PIK3CB: variants seen among roughly 807,000 people sequenced by gnomAD.
The protein encoded by PIK3CB is phosphatidylinositol-4,5-bisphosphate 3-kinase catalytic subunit beta.
A neutral mutation model predicts 136.8 loss-of-function variants in PIK3CB; 39 were observed. The observed-to-expected ratio is 0.29, with a 90% CI of 0.22 to 0.37. The LOEUF (loss-of-function observed/expected upper bound fraction) is 0.37. Among genes scored for constraint, PIK3CB ranks in the 10% least tolerant of loss-of-function variants. The pLI, the probability that PIK3CB is intolerant of heterozygous loss-of-function variation, is 1.00. For missense variants in PIK3CB, 868 were observed against 1,275.4 expected, an observed-to-expected ratio of 0.68 and a Z score of 4.87; for synonymous variants, 428 against 436.6, an observed-to-expected ratio of 0.98 and a Z score of 0.25.
intron 14 of PIK3CB, 38 bp downstream of exon 14, chr3:138,694,748 T>C: frequency 6.2e-7 from 1 of 1,605,080 alleles, no homozygotes; most frequent in South Asian, 1.1e-5. Context: ...CCACCCAAGT[T>C]ATTCCTTGCC....
chr3:138,744,237 C>T (rs1050938645), intron 4 of PIK3CB, among the ~76,000 whole-genome samples: 5 of 150,778 alleles, frequency 3.3e-5, no homozygotes, highest in African/African-American at 1.2e-4. Context: ...ACTAAAAATA[C>T]AAAAAACATT....
rs772575217 is a variant in PIK3CB, at chr3:138,714,735, C to A, written c.1051-16G>T. The A allele has an allele frequency of 1.3e-6, 2 of 1,559,158 alleles. No homozygotes were observed. The highest frequency in any genetic ancestry group is 2.1e-5 in the Admixed American group (1 of 47,756). On this transcript the variant is annotated splice_polypyrimidine_tract_variant and intron_variant, in intron 8 of 23. Coordinates refer to ENST00000674063, the MANE Select transcript of PIK3CB (RefSeq NM_006219.3). ...TGACATGAACCTGTAACGAAGCAGA[C>A]AAAAACAAAAACAAAGTCATGAATA...
rs187667995 is a variant in PIK3CB at position 138,659,745 on chromosome 3, A to C, written c.2797-1910T>G. 4.9e-3 allele frequency among the ~76,000 whole-genome samples: 751 copies of C among 151,988 alleles called. 4 individuals carry two copies. The highest frequency in any genetic ancestry group is 0.018 in the African/African-American group (731 of 41,440). ...AATTTCATAGTGCAGGTACTTAGTA[A>C]GGGTGTTTTTCTTCCATTCTCAGAA... is the stretch of plus-strand genomic sequence containing the variant. On this transcript the variant is annotated intron_variant, in intron 21 of 23. Transcript: ENST00000674063.
At chr3:138,759,482 A>G in intron 2 of PIK3CB, 123 bp from the exon 3 acceptor site, 1 of 564,766 alleles carries the variant, frequency 1.8e-6, no homozygotes, top group Non-Finnish European at 3.1e-6. Context: ...ATGTAACAGG[A>G]GGCCAATTAA....
At chr3:138,733,695 G>A (rs887709343) in intron 7 of PIK3CB, among the ~76,000 whole-genome samples, 4 of 152,144 alleles carry the variant, frequency 2.6e-5, no homozygotes, top group South Asian at 4.2e-4. Flanking sequence ...TGGCTAACAC[G>A]GTGAAACCCC....
intron 10 of PIK3CB, among the ~76,000 whole-genome samples, chr3:138,711,236 C>A (rs549260044): frequency 2.3e-4 from 34 of 147,904 alleles, no homozygotes; most frequent in Non-Finnish European, 4.3e-4. Context: ...AAAAAAAAAA[C>A]CTACAAAAAA....
chr3:138,771,499 T>C (rs2045799158), intron 2 of PIK3CB, among the ~76,000 whole-genome samples: 1 of 152,176 alleles, frequency 6.6e-6, no homozygotes, highest in South Asian at 2.1e-4. Flanking sequence ...ATTACAGGCG[T>C]AAGCCACCCG....
At chr3:138,742,375 G>A (rs1418153518) in intron 5 of PIK3CB, among the ~76,000 whole-genome samples, 183 bp downstream of exon 5, 5 of 152,180 alleles carry the variant, frequency 3.3e-5, no homozygotes, top group Middle Eastern at 3.4e-3. Flanking sequence ...AAACAGATAC[G>A]TGTACAGAAT....
rs761908142 is a variant in PIK3CB, at chr3:138,653,207, T to C, written c.*2182A>G. The C allele has an allele frequency of 1.1e-5, 2 of 180,294 alleles. No individual in the cohort carries two copies. The highest frequency in any genetic ancestry group is 2.4e-5 in the Non-Finnish European group (2 of 84,328). The allele number at this position is 180,294 out of a possible 1,614,324, so 11.2% of individuals were successfully genotyped here. ...AATGCAATTTGATTCAAAATTTCCA[T>C]AGATTTCTATTTGTGGAACCCAATA... is the stretch of plus-strand genomic sequence containing the variant. On this transcript the variant is annotated 3_prime_UTR_variant, in exon 24 of 24. Coordinates refer to ENST00000674063, the MANE Select transcript of PIK3CB (RefSeq NM_006219.3).
chr3:138,703,619 G>C (rs957203203), intron 12 of PIK3CB, among the ~76,000 whole-genome samples: 1 of 151,742 alleles, frequency 6.6e-6, no homozygotes, highest in Non-Finnish European at 1.5e-5. Context: ...TGTAGATATA[G>C]ATATAGATAT....
At chr3:138,805,228 G>A (rs747215724) in intron 1 of PIK3CB, among the ~76,000 whole-genome samples, 6 of 141,108 alleles carry the variant, frequency 4.3e-5, no homozygotes, top group Non-Finnish European at 9.2e-5. Flanking sequence ...AGCTACTCAG[G>A]AGGCTGAGGC....
chr3:138,811,430 A>G (rs1486316982), intron 1 of PIK3CB, among the ~76,000 whole-genome samples: 1 of 148,870 alleles, frequency 6.7e-6, no homozygotes, highest in African/African-American at 2.5e-5. Flanking sequence ...CAAGAAAATT[A>G]CCTTTTTTTT....
At chr3:138,721,248 C>T (rs1486249534) in intron 8 of PIK3CB, among the ~76,000 whole-genome samples, 3 of 152,082 alleles carry the variant, frequency 2.0e-5, no homozygotes, top group Admixed American at 2.0e-4. Context: ...CTGCAACATC[C>T]GCCTTCTGGG....
At chr3:138,663,644 A>G (rs1208926968) in intron 21 of PIK3CB, among the ~76,000 whole-genome samples, 3 of 152,124 alleles carry the variant, frequency 2.0e-5, no homozygotes, top group African/African-American at 7.2e-5. Context: ...GGGATCCCAA[A>G]GTGCTGGGAT....
At chr3:138,727,654 T>A (rs1396297816) in intron 8 of PIK3CB, among the ~76,000 whole-genome samples, 1 of 152,192 alleles carries the variant, frequency 6.6e-6, no homozygotes, top group Non-Finnish European at 1.5e-5. Context: ...AGCTAGTAAG[T>A]AAATGTTGTT....
At chr3:138,831,067 G>A (rs1206834977) in intron 1 of PIK3CB, among the ~76,000 whole-genome samples, 2 of 149,726 alleles carry the variant, frequency 1.3e-5, no homozygotes, top group Non-Finnish European at 3.0e-5. Flanking sequence ...CGGATCACGA[G>A]GTCAGGAGAT....
intron 8 of PIK3CB, among the ~76,000 whole-genome samples, chr3:138,715,202 A>G (rs1479858783): frequency 6.6e-6 from 1 of 152,244 alleles, no homozygotes; most frequent in African/African-American, 2.4e-5. Context: ...ATACTAAGTC[A>G]AGAGCTAACA....
chr3:138,805,964 G>A (rs748331225), intron 1 of PIK3CB, among the ~76,000 whole-genome samples: 39 of 151,492 alleles, frequency 2.6e-4, no homozygotes, highest in South Asian at 1.0e-3. Context: ...TCCTGACTTC[G>A]TGATCCTCCC....
chr3:138,830,836 A>T (rs1933996047), intron 1 of PIK3CB, among the ~76,000 whole-genome samples: 1 of 145,712 alleles, frequency 6.9e-6, no homozygotes, highest in South Asian at 2.2e-4. Flanking sequence ...CGGGAGGCGG[A>T]GCTTGCGGTA....
Sources: allele counts gnomAD v4.1 joint callset (sites outside exome capture counted in the v4.1 genomes callset), GRCh38; gene constraint gnomAD v4.1.1; transcripts MANE v1.5; gene names NCBI Gene and HGNC (gene_info 2026-07-23, HGNC 2026-07-21).